Variants in TASP1 observed in about 807,000 individuals in gnomAD.
TASP1 encodes the protein threonine aspartase 1.
TASP1 carries 16 observed loss-of-function variants against 56.6 expected under a neutral mutation model. That is an observed-to-expected ratio of 0.28 (90% CI 0.19 to 0.43). The LOEUF is 0.43. Ranked by LOEUF, TASP1 falls within the 20% of genes least tolerant of loss-of-function variation. TASP1 has a pLI of 1.00. For synonymous variants in TASP1, 179 were observed against 184.2 expected, an observed-to-expected ratio of 0.97 and a Z score of 0.23; for missense variants, 393 against 511.6, an observed-to-expected ratio of 0.77 and a Z score of 2.24.
intron 11 of TASP1, among the ~76,000 whole-genome samples, chr20:13,451,764 G>A (rs184286763): frequency 1.3e-5 from 2 of 152,120 alleles, no homozygotes; most frequent in Admixed American, 6.6e-5. Context: ...TTTCCTTCAA[G>A]AACTTTTCCT....
At chr20:13,235,773 A>G in the TASP1 span, among the ~76,000 whole-genome samples, 1 of 152,170 alleles carries the variant, frequency 6.6e-6, no homozygotes, top group Non-Finnish European at 1.5e-5. Flanking sequence ...TACGTTATTC[A>G]TCACTCACGG....
rs2047187085 is a variant in TASP1 at position 13,583,243 on chromosome 20, T to C, written c.404-2262A>G. 1.3e-5 allele frequency among the ~76,000 whole-genome samples: 2 copies of C among 152,220 alleles called. 1 individual carries two copies. The highest frequency in any genetic ancestry group is 4.1e-4 in the South Asian group (2 of 4,832). ...TTAATTCTCACAGCATCTTGACCTC[T>C]GTGTGCCCACCTACCAGCCTGAGCT... On this transcript the variant is annotated intron_variant, in intron 5 of 13. Transcript: ENST00000337743.
intron 11 of TASP1, among the ~76,000 whole-genome samples, chr20:13,469,467 G>A (rs1423569117): frequency 1.3e-5 from 2 of 152,128 alleles, no homozygotes; most frequent in Non-Finnish European, 2.9e-5. Flanking sequence ...ACTGATTCCA[G>A]TAAGTCCATC....
At chr20:13,376,702 A>G in the TASP1 span, among the ~76,000 whole-genome samples, 74,057 of 152,034 alleles carry the variant, frequency 0.49, 19,734 homozygotes, top group Non-Finnish European at 0.6. Context: ...GATTCTTCCT[A>G]TCCATGAGCA....
At chr20:13,397,904 C>G (rs560540361) in intron 13 of TASP1, among the ~76,000 whole-genome samples, 22 of 152,204 alleles carry the variant, frequency 1.4e-4, no homozygotes, top group African/African-American at 5.3e-4. Context: ...TATGGGTCAC[C>G]ATTTCCTTGG....
rs565573457 is a variant in TASP1 at position 13,490,911 on chromosome 20, T to C, written c.875-7574A>G. On this transcript the variant is annotated intron_variant, in intron 10 of 13. Transcript: ENST00000337743. ...AAAGCATTTAGCATGGAGTTGACCA[T>C]AGAGTAAGCACTTAATAAATACTAC... Among the ~76,000 whole-genome samples, 9 of 152,282 alleles carry C rather than the reference T, an allele frequency of 5.9e-5. No individual in the cohort carries two copies. In the East Asian group the frequency reaches 1.4e-3, roughly 23 times the overall value.
chr20:13,581,682 TGACAATGACAAA>T (rs1248442117), intron 5 of TASP1, among the ~76,000 whole-genome samples: 1 of 152,176 alleles, frequency 6.6e-6, no homozygotes, highest in East Asian at 1.9e-4. Context: ...ACTGTCAGGA[TGACAATGACAAA>T]GACAATGACA....
intron 13 of TASP1, among the ~76,000 whole-genome samples, chr20:13,407,289 T>G (rs1396155955): frequency 1.3e-5 from 2 of 152,242 alleles, no homozygotes; most frequent in Non-Finnish European, 2.9e-5. Context: ...CTATGGATTT[T>G]CCTATTCTGG....
rs150926343 is a variant in TASP1, at chr20:13,470,510, C to A, written c.985+12717G>T. Among the ~76,000 whole-genome samples, 755 of 152,226 alleles carry A rather than the reference C, an allele frequency of 5.0e-3. 4 individuals are homozygous for A. Among genetic ancestry groups the A allele is most frequent in the African/African-American group, 0.016 (680 of 41,542 alleles). ...CTATACATTTTATAAAACTTCTATA[C>A]ACTTAAAAATGTTCTGGAATTATAC... On this transcript the variant is annotated intron_variant, in intron 11 of 13. Coordinates refer to ENST00000337743, the MANE Select transcript of TASP1 (RefSeq NM_017714.3).
chr20:13,377,701 C>T, the TASP1 span, among the ~76,000 whole-genome samples: 1 of 152,048 alleles, frequency 6.6e-6, no homozygotes, highest in Non-Finnish European at 1.5e-5. Flanking sequence ...TCCATCTGGT[C>T]CTAGGTTTTT....
chr20:13,383,844 T>C, the TASP1 span, among the ~76,000 whole-genome samples: 1 of 152,200 alleles, frequency 6.6e-6, no homozygotes, highest in Non-Finnish European at 1.5e-5. Context: ...AAAACAGTTG[T>C]TGTTTAAGCC....
intron 10 of TASP1, among the ~76,000 whole-genome samples, chr20:13,522,481 G>C (rs1325928269): frequency 3.9e-5 from 6 of 152,138 alleles, no homozygotes; most frequent in Admixed American, 2.0e-4. Context: ...ATGTGCGTGA[G>C]ATAGAAAAGA....
chr20:13,358,220 C>G, the TASP1 span, among the ~76,000 whole-genome samples: 448 of 152,318 alleles, frequency 2.9e-3, 2 homozygotes, highest in African/African-American at 0.01. Flanking sequence ...ACCCTTATCT[C>G]CCTTCGCTGA....
At chr20:13,519,424 T>C (rs1049408230) in intron 10 of TASP1, among the ~76,000 whole-genome samples, 3 of 152,182 alleles carry the variant, frequency 2.0e-5, no homozygotes, top group Non-Finnish European at 4.4e-5. Context: ...TTATCCACCA[T>C]GATCAAGTGG....
chr20:13,293,834 C>T, the TASP1 span, among the ~76,000 whole-genome samples: 3 of 151,898 alleles, frequency 2.0e-5, no homozygotes, highest in Non-Finnish European at 2.9e-5. Context: ...ATTAGCTGGG[C>T]TTGGTGGCAG....
At chr20:13,420,218 T>G (rs1487861019) in intron 12 of TASP1, among the ~76,000 whole-genome samples, 2 of 152,184 alleles carry the variant, frequency 1.3e-5, no homozygotes, top group Non-Finnish European at 2.9e-5. Context: ...GATTTTTAAA[T>G]GTATTATTCT....
At chr20:13,236,621 G>C in the TASP1 span, among the ~76,000 whole-genome samples, 1 of 152,144 alleles carries the variant, frequency 6.6e-6, no homozygotes, top group Non-Finnish European at 1.5e-5. Flanking sequence ...TTCTGCCTAT[G>C]AGCCTGTAAA....
the TASP1 span, among the ~76,000 whole-genome samples, chr20:13,332,264 T>C: frequency 6.6e-6 from 1 of 152,084 alleles, no homozygotes; most frequent in Non-Finnish European, 1.5e-5. Flanking sequence ...AAAATGAAAA[T>C]GTGGGGCCCC....
chr20:13,531,329 C>T (rs138023488), intron 9 of TASP1, among the ~76,000 whole-genome samples: 28 of 151,490 alleles, frequency 1.8e-4, no homozygotes, highest in African/African-American at 5.5e-4. Flanking sequence ...CACACTTAAC[C>T]AGTAAACTCA....
Sources: gnomAD v4.1 joint callset for allele counts (sites outside exome capture counted in the v4.1 genomes callset) on GRCh38, gnomAD v4.1.1 for gene constraint, MANE v1.5 for transcripts, NCBI Gene and HGNC (gene_info 2026-07-23, HGNC 2026-07-21) for gene names.